The following CTTNBP2 variants were observed in gnomAD, a reference collection of about 807,000 sequenced individuals.
CTTNBP2 encodes cortactin-binding protein 2.
In CTTNBP2, 108 loss-of-function variants were observed where a neutral mutation model predicts 156.9. The ratio of observed to expected loss-of-function variants is 0.69; its 90% CI spans 0.59 to 0.81. The LOEUF is 0.81. Ranked by LOEUF, CTTNBP2 falls within the 30% of genes least tolerant of loss-of-function variation. The pLI is 0.00. For synonymous variants in CTTNBP2, 767 were observed against 751.8 expected (o/e 1.02, Z -0.33); for missense variants, 1,924 against 2,035.4 (o/e 0.95, Z 1.05).
chr7:117,867,791 T>C (rs976420511), intron 1 of CTTNBP2, among the ~76,000 whole-genome samples: 1 of 152,096 alleles, frequency 6.6e-6, no homozygotes, highest in African/African-American at 2.4e-5. Context: ...GAACATGAGA[T>C]CTATTTGGTG....
chr7:117,824,407 T>C (rs1801158136), intron 2 of CTTNBP2, among the ~76,000 whole-genome samples: 1 of 152,162 alleles, frequency 6.6e-6, no homozygotes, highest in Admixed American at 6.5e-5. Context: ...CATACACGAA[T>C]CTTCATTTCT....
intron 2 of CTTNBP2, 149 bp downstream of exon 2, chr7:117,861,060 G>A (rs1433308617): frequency 1.6e-6 from 1 of 610,668 alleles, no homozygotes; most frequent in Non-Finnish European, 3.0e-6. Flanking sequence ...AAAGTTATGG[G>A]TTAGTGTTTG....
intron 8 of CTTNBP2, among the ~76,000 whole-genome samples, chr7:117,775,519 C>T (rs1798047266): frequency 6.6e-6 from 1 of 151,078 alleles, no homozygotes; most frequent in Admixed American, 6.6e-5. Context: ...GGGTTCCTTT[C>T]TGCCTAGCCT....
At chr7:117,835,357 T>G (rs1002695309) in intron 2 of CTTNBP2, among the ~76,000 whole-genome samples, 2 of 152,238 alleles carry the variant, frequency 1.3e-5, no homozygotes, top group African/African-American at 2.4e-5. Flanking sequence ...TGTAGTGAAC[T>G]GTGACCCAAC....
At chr7:117,786,285 A>T (rs950448293) in intron 4 of CTTNBP2, 4 of 294,590 alleles carry the variant, frequency 1.4e-5, no homozygotes, top group Non-Finnish European at 2.0e-5. Flanking sequence ...TACAAAATTA[A>T]AATGCTCATA....
intron 12 of CTTNBP2, among the ~76,000 whole-genome samples, chr7:117,748,098 G>A (rs1019298354): frequency 2.0e-5 from 3 of 152,180 alleles, no homozygotes; most frequent in African/African-American, 7.2e-5. Flanking sequence ...AGAGACACAG[G>A]AAAGACTACC....
At chr7:117,728,740 A>C (rs1301822528) in intron 16 of CTTNBP2, among the ~76,000 whole-genome samples, 4 of 152,252 alleles carry the variant, frequency 2.6e-5, no homozygotes, top group Non-Finnish European at 5.9e-5. Flanking sequence ...ATTTTTATTT[A>C]AGATCTACTC....
At chr7:117,731,875 C>T (rs1328240269) in intron 16 of CTTNBP2, among the ~76,000 whole-genome samples, 6 of 152,034 alleles carry the variant, frequency 3.9e-5, no homozygotes, top group East Asian at 1.9e-4. Flanking sequence ...TAGAGGGGCA[C>T]GCAGACAAAG....
At chr7:117,855,379 C>T (rs1483443915) in intron 2 of CTTNBP2, among the ~76,000 whole-genome samples, 1 of 152,218 alleles carries the variant, frequency 6.6e-6, no homozygotes, top group Admixed American at 6.5e-5. Context: ...TACCAAAGTG[C>T]TGGGATCACA....
Position 117,872,917 on chromosome 7 carries a change from C to A in CTTNBP2, c.81+418G>T, listed in dbSNP as rs535435434. 5.3e-5 allele frequency among the ~76,000 whole-genome samples: 8 copies of A among 152,276 alleles called. No homozygotes were observed. The East Asian group carries it at 1.6e-3, about 30-fold the overall frequency. ...GTCCGCTGAGCGGTACCAGGCACCC[C>A]CGAGACACGCGCTGGCAACCACGCG... On this transcript the variant is annotated intron_variant, in intron 1 of 22. Coordinates refer to ENST00000160373, the MANE Select transcript of CTTNBP2 (RefSeq NM_033427.3).
intron 2 of CTTNBP2, among the ~76,000 whole-genome samples, chr7:117,819,311 CAG>C (rs1188831708): frequency 6.6e-6 from 1 of 151,466 alleles, no homozygotes; most frequent in Non-Finnish European, 1.5e-5. Flanking sequence ...GGTTGAATAG[CAG>C]AGGAGTGAGT....
At chr7:117,782,637 G>T (rs755007847) in intron 6 of CTTNBP2, among the ~76,000 whole-genome samples, 4 of 152,080 alleles carry the variant, frequency 2.6e-5, no homozygotes, top group Non-Finnish European at 4.4e-5. Flanking sequence ...ACGTTCAGTT[G>T]GGACACAGCC....
intron 2 of CTTNBP2, among the ~76,000 whole-genome samples, chr7:117,848,306 C>T (rs1802725939): frequency 6.6e-6 from 1 of 152,124 alleles, no homozygotes; most frequent in African/African-American, 2.4e-5. Context: ...GGTGCCCATC[C>T]CTCTCGAAAT....
chr7:117,723,254 A>C (rs1794900589), intron 19 of CTTNBP2, among the ~76,000 whole-genome samples: 1 of 152,238 alleles, frequency 6.6e-6, no homozygotes, highest in Non-Finnish European at 1.5e-5. Flanking sequence ...GCTATCATGC[A>C]CTTAGGGTAA....
chr7:117,872,109 T>TTGA, intron 1 of CTTNBP2: 1 of 345,994 alleles, frequency 2.9e-6, no homozygotes, highest in Non-Finnish European at 4.1e-6. Context: ...CTTGCCAGTT[T>TTGA]TACAAGTGGA....
chr7:117,842,220 AAC>A lies in CTTNBP2; in HGVS notation c.189+18987_189+18988del, dbSNP rs1044671702. Among the ~76,000 whole-genome samples, 375 of 152,270 alleles carry A rather than the reference AAC, an allele frequency of 2.5e-3. 4 individuals are homozygous for A. Among genetic ancestry groups the A allele is most frequent in the African/African-American group, 8.5e-3 (354 of 41,558 alleles). On this transcript the variant is annotated intron_variant, in intron 2 of 22. Transcript: ENST00000160373. ...TGCTCCGAAAAAGTCTTTTTTTTAA[AAC>A]AGAGTTTCACTCTTGTTGCCTAGGC... is the stretch of plus-strand genomic sequence containing the variant.
chr7:117,819,938 C>A (rs560053278), intron 2 of CTTNBP2, among the ~76,000 whole-genome samples: 1 of 152,196 alleles, frequency 6.6e-6, no homozygotes, highest in Admixed American at 6.5e-5. Context: ...AATTTTCTCT[C>A]AAAGTGTAGA....
chr7:117,774,907 G>A (rs561861685), intron 8 of CTTNBP2, among the ~76,000 whole-genome samples: 3 of 152,264 alleles, frequency 2.0e-5, no homozygotes, highest in Admixed American at 6.5e-5. Context: ...GCTCAGAGCC[G>A]TATTTTTTTC....
At chr7:117,728,811 A>C (rs1795246385) in intron 16 of CTTNBP2, among the ~76,000 whole-genome samples, 1 of 152,256 alleles carries the variant, frequency 6.6e-6, no homozygotes, top group African/African-American at 2.4e-5. Context: ...AAAATAGGAT[A>C]CAGCATCTCG....
Sources: gnomAD v4.1 joint callset for allele counts (sites outside exome capture counted in the v4.1 genomes callset) on GRCh38, gnomAD v4.1.1 for gene constraint, MANE v1.5 for transcripts, NCBI Gene and HGNC (gene_info 2026-07-23, HGNC 2026-07-21) for gene names.